ATP8A2: variants seen among roughly 807,000 people sequenced by gnomAD.
ATP8A2 encodes the protein phospholipid-transporting ATPase IB.
A neutral mutation model predicts 165.6 loss-of-function variants in ATP8A2; 100 were observed. The observed-to-expected ratio is 0.60, with a 90% CI of 0.51 to 0.71. The LOEUF (loss-of-function observed/expected upper bound fraction) is 0.71. ATP8A2 is among the 30% of genes least tolerant of loss of function. ATP8A2 has a pLI of 0.00. For missense variants in ATP8A2, 1,227 were observed against 1,479.5 expected (o/e 0.83, Z 2.80); for synonymous variants, 543 against 548.8 (o/e 0.99, Z 0.15).
At chr13:25,563,482 A>G (rs1296186456) in intron 15 of ATP8A2, among the ~76,000 whole-genome samples, 2 of 152,124 alleles carry the variant, frequency 1.3e-5, no homozygotes, top group African/African-American at 2.4e-5. Flanking sequence ...CTTCAATGTG[A>G]TAGCTCACAG....
intron 33 of ATP8A2, among the ~76,000 whole-genome samples, chr13:25,946,019 G>A (rs767472034): frequency 2.6e-5 from 4 of 152,092 alleles, no homozygotes; most frequent in Non-Finnish European, 5.9e-5. Context: ...TGTGAGAGTG[G>A]GAGCACAGCT....
At chr13:25,415,251 G>A (rs2034099283) in intron 1 of ATP8A2, among the ~76,000 whole-genome samples, 1 of 152,178 alleles carries the variant, frequency 6.6e-6, no homozygotes, top group South Asian at 2.1e-4. Context: ...CATGCATCCA[G>A]TATGTGGCCC....
At chr13:25,773,958 CTG>C (rs927585044) in intron 26 of ATP8A2, among the ~76,000 whole-genome samples, 4 of 152,144 alleles carry the variant, frequency 2.6e-5, no homozygotes, top group Middle Eastern at 3.4e-3. Flanking sequence ...GTATGTGCAC[CTG>C]TGTGTACTTT....
rs200501084 is a variant in ATP8A2 at position 25,434,350 on chromosome 13, CT to C, written c.77-34618del. Among the ~76,000 whole-genome samples, 5 of 151,120 alleles carry C rather than the reference CT, an allele frequency of 3.3e-5. No homozygotes were observed. The East Asian group carries it at 9.7e-4, about 29-fold the overall frequency. ...TATCCACTTTTTTTCTTTTCTCTCT[CT>C]TTTTTTTTGTTTTTTGAGACAATGT... On this transcript the variant is annotated intron_variant, in intron 1 of 36. Transcript: ENST00000381655.
chr13:25,418,092 G>A (rs17082261), intron 1 of ATP8A2, among the ~76,000 whole-genome samples: 40,481 of 151,906 alleles, frequency 0.27, 5,613 homozygotes, highest in East Asian at 0.46. Context: ...CTATTCCTTC[G>A]GTGGCTTGCT....
At position 25,662,321 on chromosome 13, in the gene ATP8A2, G is replaced by A. The variant is rs564207639; in HGVS notation, c.2212-36852G>A. Among the ~76,000 whole-genome samples the A allele has an allele frequency of 3.3e-5, 5 of 152,260 alleles. No homozygotes were observed. In the South Asian group the frequency reaches 6.2e-4, roughly 19 times the overall value. Reference sequence around the variant, plus strand: ...TTGTTTTGTGGGCTACATTCTTGGCGATGTTTTATCGTTGCCCCTGATAAT... The same window carrying A: ...TTGTTTTGTGGGCTACATTCTTGGCAATGTTTTATCGTTGCCCCTGATAAT... On this transcript the variant is annotated intron_variant, in intron 24 of 36. Transcript: ENST00000381655.
At chr13:25,667,044 A>G (rs893997985) in intron 24 of ATP8A2, among the ~76,000 whole-genome samples, 2 of 152,204 alleles carry the variant, frequency 1.3e-5, no homozygotes, top group Non-Finnish European at 2.9e-5. Context: ...ACAATTCAGT[A>G]TATTTAGTAC....
At chr13:25,955,993 C>T (rs920081768) in intron 33 of ATP8A2, among the ~76,000 whole-genome samples, 2 of 152,170 alleles carry the variant, frequency 1.3e-5, no homozygotes, top group Non-Finnish European at 2.9e-5. Flanking sequence ...TGAACATAAT[C>T]CATCACATAA....
Position 25,473,621 on chromosome 13 carries a change from G to A in ATP8A2, c.221+4500G>A, listed in dbSNP as rs182758195. On this transcript the variant is annotated intron_variant, in intron 2 of 36. Coordinates refer to ENST00000381655, the MANE Select transcript of ATP8A2 (RefSeq NM_016529.6). The stretch of plus-strand genomic sequence containing the variant: ...GCAACTATCATCACAGTCAATTTTG[G>A]AACATTTTCATCACCTCCAAAAGAA... Among the ~76,000 whole-genome samples the A allele has an allele frequency of 2.0e-3, 300 of 151,972 alleles. 2 individuals carry two copies. The highest frequency in any genetic ancestry group is 2.8e-3 in the Non-Finnish European group (191 of 67,970).
At chr13:25,961,898 G>C (rs1273703125) in intron 34 of ATP8A2, among the ~76,000 whole-genome samples, 1 of 152,160 alleles carries the variant, frequency 6.6e-6, no homozygotes, top group Non-Finnish European at 1.5e-5. Flanking sequence ...GCAGCGCATA[G>C]CTCTAGTCTC....
chr13:25,861,008 G>C (rs1357860965), intron 32 of ATP8A2, 148 bp downstream of exon 32: 33 of 641,244 alleles, frequency 5.1e-5, no homozygotes, highest in Non-Finnish European at 6.6e-5. Flanking sequence ...TCTTGATCAG[G>C]GTAAATTTGC....
At chr13:25,417,681 A>T (rs1238726935) in intron 1 of ATP8A2, among the ~76,000 whole-genome samples, 1 of 152,230 alleles carries the variant, frequency 6.6e-6, no homozygotes, top group African/African-American at 2.4e-5. Flanking sequence ...GACTCACTAT[A>T]TTTGGGGTGG....
intron 24 of ATP8A2, among the ~76,000 whole-genome samples, chr13:25,609,536 G>GATTCAAATATATATATATATATTTGGA (rs1565976836): frequency 1.8e-5 from 2 of 114,216 alleles, no homozygotes; most frequent in African/African-American, 2.8e-5. Context: ...ATATATTTGG[G>GATTCAAATATATATATATATATTTGGA]ATTCAAATAT....
At chr13:25,769,310 T>C (rs2044566843) in intron 26 of ATP8A2, 81 bp downstream of exon 26, 1 of 1,403,232 alleles carries the variant, frequency 7.1e-7, no homozygotes, top group Non-Finnish European at 9.7e-7. Context: ...TAACCTTCAG[T>C]GCATCTCCAA....
At chr13:25,935,059 T>TAA (rs1378891207) in intron 33 of ATP8A2, among the ~76,000 whole-genome samples, 1 of 152,206 alleles carries the variant, frequency 6.6e-6, no homozygotes, top group Non-Finnish European at 1.5e-5. Flanking sequence ...GCTATATATA[T>TAA]ATGTAAAACA....
At chr13:25,617,936 A>G (rs2040868112) in intron 24 of ATP8A2, among the ~76,000 whole-genome samples, 1 of 152,172 alleles carries the variant, frequency 6.6e-6, no homozygotes, top group Non-Finnish European at 1.5e-5. Context: ...CCCAACATAG[A>G]AGCATTTTAT....
At chr13:26,015,229 G>T (rs1956942042) in intron 36 of ATP8A2, among the ~76,000 whole-genome samples, 1 of 152,166 alleles carries the variant, frequency 6.6e-6, no homozygotes, top group Non-Finnish European at 1.5e-5. Context: ...AGAACCTGAT[G>T]GATAACTTAG....
chr13:25,531,344 T>C (rs1380183536), intron 4 of ATP8A2, among the ~76,000 whole-genome samples: 3 of 138,096 alleles, frequency 2.2e-5, no homozygotes, highest in South Asian at 2.2e-4. Context: ...ATGTTATATA[T>C]GATATATATG....
At chr13:25,699,375 C>T (rs755915543) in intron 25 of ATP8A2, 30 bp downstream of exon 25, 2 of 1,540,716 alleles carry the variant, frequency 1.3e-6, no homozygotes, top group Non-Finnish European at 8.8e-7. Flanking sequence ...GCACAGTTCA[C>T]ACTCTGCTGT....
Sources: allele counts gnomAD v4.1 joint callset (sites outside exome capture counted in the v4.1 genomes callset), GRCh38; gene constraint gnomAD v4.1.1; transcripts MANE v1.5; gene names NCBI Gene and HGNC (gene_info 2026-07-23, HGNC 2026-07-21).